DMD: variants seen among roughly 807,000 people sequenced by gnomAD.
DMD encodes dystrophin.
DMD carries 63 observed loss-of-function variants against 330.1 expected under a neutral mutation model. The ratio of observed to expected loss-of-function variants is 0.19; its 90% CI spans 0.16 to 0.24. The LOEUF (loss-of-function observed/expected upper bound fraction) is 0.24, where lower values mean the gene tolerates loss of function less well. Among genes scored for constraint, DMD ranks in the 10% least tolerant of loss-of-function variants. DMD has a pLI of 1.00. For synonymous variants in DMD, 1,223 were observed against 959.8 expected (o/e 1.27, Z -5.07); for missense variants, 3,344 against 2,684.1 (o/e 1.25, Z -5.43).
chrX:32,915,057 A>G (rs2087666291), intron 2 of DMD, among the ~76,000 whole-genome samples: 1 of 111,893 alleles, frequency 8.9e-6, no homozygotes, highest in Non-Finnish European at 1.9e-5. Flanking sequence ...ACTAAACTGG[A>G]ACAAATATTG....
intron 62 of DMD, among the ~76,000 whole-genome samples, chrX:31,320,309 A>G (rs1160844097): frequency 8.9e-6 from 1 of 112,559 alleles, no homozygotes; most frequent in Admixed American, 9.4e-5. Context: ...GCACAATTCA[A>G]CAACCAACAG....
At chrX:31,795,601 T>C (rs1199238254) in intron 50 of DMD, among the ~76,000 whole-genome samples, 3 of 112,180 alleles carry the variant, frequency 2.7e-5, no homozygotes, top group Non-Finnish European at 5.6e-5. Flanking sequence ...CTTCCAGTTA[T>C]GTGAGTTGAA....
At chrX:32,439,452 A>T (rs1434995784) in intron 28 of DMD, among the ~76,000 whole-genome samples, 1 of 111,778 alleles carries the variant, frequency 8.9e-6, no homozygotes, top group African/African-American at 3.2e-5. Context: ...TATATTCCTT[A>T]TTACTTCTAA....
intron 19 of DMD, among the ~76,000 whole-genome samples, chrX:32,496,145 C>T (rs1333208904): frequency 2.7e-5 from 3 of 111,929 alleles, no homozygotes; most frequent in Non-Finnish European, 5.6e-5. Flanking sequence ...TTCAGAACTG[C>T]CACTTAAAGT....
chrX:31,241,295 CTGCTT>C (rs1237818823), intron 63 of DMD, among the ~76,000 whole-genome samples: 3 of 111,326 alleles, frequency 2.7e-5, no homozygotes, highest in Non-Finnish European at 5.7e-5. Context: ...ACGTAAATCC[CTGCTT>C]TGCAATGTGA....
chrX:32,099,613 T>A (rs1457217529), intron 44 of DMD, among the ~76,000 whole-genome samples: 5 of 108,281 alleles, frequency 4.6e-5, no homozygotes, highest in Non-Finnish European at 7.6e-5. Context: ...GAAACTGGAA[T>A]ACATCATTCT....
At chrX:32,964,780 A>G (rs146279619) in intron 2 of DMD, among the ~76,000 whole-genome samples, 352 of 112,214 alleles carry the variant, frequency 3.1e-3, no homozygotes, top group Non-Finnish European at 4.9e-3. Flanking sequence ...GAAGAAGTAA[A>G]AACAGTATAT....
chrX:32,447,924 T>G (rs1361954471), intron 27 of DMD, among the ~76,000 whole-genome samples: 1 of 111,290 alleles, frequency 9.0e-6, no homozygotes, highest in Non-Finnish European at 1.9e-5. Context: ...AATACATAAA[T>G]ATAATGCAAA....
chrX:32,527,079 A>T (rs1481553301), intron 17 of DMD, among the ~76,000 whole-genome samples: 1 of 111,801 alleles, frequency 8.9e-6, no homozygotes, highest in Non-Finnish European at 1.9e-5. Context: ...AGCATGTAGA[A>T]TTTCATAAAA....
intron 43 of DMD, among the ~76,000 whole-genome samples, chrX:32,244,826 A>C (rs1365745638): frequency 1.6e-5 from 1 of 61,069 alleles, no homozygotes; most frequent in Non-Finnish European, 3.1e-5. Context: ...TTTTCTTGTA[A>C]ATTTGTTTGA....
At chrX:33,181,012 A>C (rs34257946) in intron 1 of DMD, among the ~76,000 whole-genome samples, 11,239 of 109,823 alleles carry the variant, frequency 0.1, 453 homozygotes, top group Middle Eastern at 0.15. Context: ...TTTTTTCTTA[A>C]ACTGGTTTGC....
chrX:33,257,201 G>C (rs1240114493), intron 1 of DMD, among the ~76,000 whole-genome samples: 3 of 110,835 alleles, frequency 2.7e-5, no homozygotes, highest in South Asian at 7.6e-4. Flanking sequence ...AATTAAAAGA[G>C]AAACAGAAAC....
intron 42 of DMD, among the ~76,000 whole-genome samples, chrX:32,297,393 C>A (rs1263682647): frequency 4.6e-5 from 5 of 109,777 alleles, no homozygotes; most frequent in Non-Finnish European, 7.6e-5. Context: ...CCTGCCTCAG[C>A]CTCCCGAGTA....
intron 74 of DMD, among the ~76,000 whole-genome samples, chrX:31,160,797 A>G (rs1395393270): frequency 1.8e-5 from 2 of 111,475 alleles, no homozygotes; most frequent in Admixed American, 1.9e-4. Flanking sequence ...GAGAACTGTC[A>G]CCCTATCTTT....
intron 67 of DMD, among the ~76,000 whole-genome samples, chrX:31,188,921 G>C (rs1040229840): frequency 3.6e-5 from 4 of 111,730 alleles, no homozygotes; most frequent in African/African-American, 1.3e-4. Context: ...GGAATTTCTA[G>C]CAAACCGATT....
chrX:32,082,988 T>C (rs1253672194), intron 44 of DMD, among the ~76,000 whole-genome samples: 2 of 112,025 alleles, frequency 1.8e-5, no homozygotes, highest in Non-Finnish European at 3.8e-5. Context: ...TCTGTTCCTA[T>C]GTTTCTAAGG....
chrX:32,318,197 C>G (rs760798749), intron 41 of DMD, among the ~76,000 whole-genome samples: 1 of 111,127 alleles, frequency 9.0e-6, no homozygotes, highest in South Asian at 3.7e-4. Context: ...GGAATCATTA[C>G]AGTAATAAAC....
intron 1 of DMD, among the ~76,000 whole-genome samples, chrX:33,043,007 AC>A (rs746267793): frequency 8.9e-6 from 1 of 111,819 alleles, no homozygotes; most frequent in African/African-American, 3.2e-5. Flanking sequence ...TATGCACCGG[AC>A]CCTGGGAAGT....
chrX:31,779,853 C>T (rs927917963), intron 50 of DMD, among the ~76,000 whole-genome samples: 12 of 111,132 alleles, frequency 1.1e-4, no homozygotes, highest in Non-Finnish European at 2.3e-4. Flanking sequence ...TGTGGTTTTC[C>T]CTCCATAGTT....
Sources: allele counts gnomAD v4.1 joint callset (sites outside exome capture counted in the v4.1 genomes callset), GRCh38; gene constraint gnomAD v4.1.1; transcripts MANE v1.5; gene names NCBI Gene and HGNC (gene_info 2026-07-23, HGNC 2026-07-21).